Variants in LRP1B observed in about 807,000 individuals in gnomAD.
LRP1B encodes the protein LDL receptor related protein 1B, also known as low-density lipoprotein receptor-related protein 1B.
In LRP1B, 217 loss-of-function variants were observed where a neutral mutation model predicts 556.6. The ratio of observed to expected loss-of-function variants is 0.39; its 90% CI spans 0.35 to 0.44. The LOEUF is 0.44. Ranked by LOEUF, LRP1B falls within the 20% of genes least tolerant of loss-of-function variation. The probability of loss-of-function intolerance (pLI) is 1.00; values close to 1 mark genes in which losing one functional copy is unlikely to be tolerated. For missense variants in LRP1B, 5,053 were observed against 5,620.8 expected, an observed-to-expected ratio of 0.90 and a Z score of 3.23; for synonymous variants, 2,047 against 1,865.8, an observed-to-expected ratio of 1.10 and a Z score of -2.50.
chr2:141,955,366 T>C (rs1198861336), intron 1 of LRP1B, among the ~76,000 whole-genome samples: 1 of 152,174 alleles, frequency 6.6e-6, no homozygotes, highest in Non-Finnish European at 1.5e-5. Flanking sequence ...ATGCATTTTC[T>C]GCATCTTGCT....
chr2:141,618,889 C>T (rs564676674), intron 2 of LRP1B, among the ~76,000 whole-genome samples: 1 of 152,248 alleles, frequency 6.6e-6, no homozygotes, highest in African/African-American at 2.4e-5. Flanking sequence ...TTTCATCTTA[C>T]ATAATTTGAA....
intron 7 of LRP1B, among the ~76,000 whole-genome samples, chr2:141,083,967 G>T (rs916806115): frequency 3.3e-5 from 5 of 152,138 alleles, no homozygotes; most frequent in African/African-American, 1.2e-4. Flanking sequence ...TTAAAAACCT[G>T]GTTCTAACAT....
chr2:141,478,412 T>C (rs1273809226), intron 3 of LRP1B, among the ~76,000 whole-genome samples: 1 of 152,226 alleles, frequency 6.6e-6, no homozygotes, highest in Non-Finnish European at 1.5e-5. Context: ...GAATTATAAC[T>C]GAGTTGAATA....
At chr2:140,284,783 GATAA>G (rs3035560) in intron 84 of LRP1B, among the ~76,000 whole-genome samples, 48,968 of 150,250 alleles carry the variant, frequency 0.33, 8,428 homozygotes, top group African/African-American at 0.43. Context: ...TTAGATGATA[GATAA>G]ATAGAGGGAT....
intron 1 of LRP1B, among the ~76,000 whole-genome samples, chr2:141,932,748 T>C (rs1291515544): frequency 2.0e-5 from 3 of 152,050 alleles, no homozygotes; most frequent in Non-Finnish European, 4.4e-5. Flanking sequence ...AATTTTTAAA[T>C]GACCTGTTTC....
chr2:141,881,429 A>G (rs1390589161), intron 1 of LRP1B, among the ~76,000 whole-genome samples: 2 of 152,102 alleles, frequency 1.3e-5, no homozygotes, highest in Non-Finnish European at 2.9e-5. Flanking sequence ...GCATAGGAGC[A>G]TTATTCAGAA....
intron 47 of LRP1B, among the ~76,000 whole-genome samples, chr2:140,530,206 CTTTATCT>C (rs535740807): frequency 3.1e-4 from 47 of 152,174 alleles, no homozygotes; most frequent in African/African-American, 9.4e-4. Flanking sequence ...AATTGTATCA[CTTTATCT>C]TTTATATTTT....
chr2:140,860,972 G>T (rs1184392427), intron 27 of LRP1B, among the ~76,000 whole-genome samples: 1 of 139,480 alleles, frequency 7.2e-6, no homozygotes, highest in Non-Finnish European at 1.6e-5. Flanking sequence ...TAAGAGAATT[G>T]TGCATCTATC....
At chr2:141,048,963 G>A (rs1308639358) in intron 11 of LRP1B, 23 bp downstream of exon 11, 4 of 1,543,690 alleles carry the variant, frequency 2.6e-6, no homozygotes, top group East Asian at 2.2e-5. Flanking sequence ...GTAGTTTGAT[G>A]TTAATGTCAC....
intron 8 of LRP1B, 80 bp from the exon 9 acceptor site, chr2:141,059,134 A>C: frequency 1.1e-6 from 1 of 913,306 alleles, no homozygotes; most frequent in Non-Finnish European, 1.6e-6. Context: ...GCTATTTACT[A>C]GTATGGAAAA....
At chr2:140,874,441 A>G (rs1214639769) in intron 25 of LRP1B, among the ~76,000 whole-genome samples, 1 of 152,034 alleles carries the variant, frequency 6.6e-6, no homozygotes, top group Non-Finnish European at 1.5e-5. Context: ...TGATGGTAAC[A>G]ATGTTTTCTT....
At chr2:140,990,145 T>A (rs1482724111) in intron 16 of LRP1B, among the ~76,000 whole-genome samples, 3 of 152,008 alleles carry the variant, frequency 2.0e-5, no homozygotes, top group Non-Finnish European at 4.4e-5. Context: ...AGGCGGAGGT[T>A]GCAGTGAGCT....
intron 58 of LRP1B, 131 bp from the exon 59 acceptor site, chr2:140,485,655 A>G: frequency 1.6e-6 from 1 of 618,604 alleles, no homozygotes; most frequent in Non-Finnish European, 2.7e-6. Flanking sequence ...TAAGAAGAGA[A>G]TAATTGACCG....
At chr2:141,474,550 G>C (rs1682627731) in intron 3 of LRP1B, among the ~76,000 whole-genome samples, 1 of 151,974 alleles carries the variant, frequency 6.6e-6, no homozygotes, top group South Asian at 2.1e-4. Flanking sequence ...GATTATGAGT[G>C]GATTAAGAAA....
At position 140,585,300 on chromosome 2, in the gene LRP1B, G is replaced by A. The variant is rs1681940980; in HGVS notation, c.7194+13331C>T. 3.3e-5 allele frequency among the ~76,000 whole-genome samples: 5 copies of A among 152,020 alleles called. 1 individual carries two copies. The South Asian group carries it at 1.0e-3, about 31-fold the overall frequency. The stretch of plus-strand genomic sequence containing the variant: ...GTCATATTCTACAGCAGAAATTAAG[G>A]TGTAGAAGGATTAAGAAATGTCCTC... On this transcript the variant is annotated intron_variant, in intron 43 of 90. Transcript: ENST00000389484.
At chr2:140,317,736 GA>G (rs1684588025) in intron 82 of LRP1B, among the ~76,000 whole-genome samples, 4 of 152,148 alleles carry the variant, frequency 2.6e-5, no homozygotes, top group East Asian at 1.9e-4. Context: ...TCATAGATAG[GA>G]TTATTATGGG....
chr2:141,879,399 T>A (rs7569225), intron 1 of LRP1B, among the ~76,000 whole-genome samples: 85,333 of 151,714 alleles, frequency 0.56, 24,523 homozygotes, highest in African/African-American at 0.67. Flanking sequence ...AATATGAGCC[T>A]AATACAGACA....
chr2:140,500,404 T>C (rs1324837082), intron 55 of LRP1B, among the ~76,000 whole-genome samples: 1 of 151,970 alleles, frequency 6.6e-6, no homozygotes. Context: ...TGGCTTGTCA[T>C]AGCATGCTAA....
intron 3 of LRP1B, among the ~76,000 whole-genome samples, chr2:141,379,967 G>A (rs939455834): frequency 2.6e-5 from 4 of 152,146 alleles, no homozygotes; most frequent in African/African-American, 9.7e-5. Flanking sequence ...CCCTTCCTCA[G>A]CCTGCTCCTG....
Sources: gnomAD v4.1 joint callset for allele counts (sites outside exome capture counted in the v4.1 genomes callset) on GRCh38, gnomAD v4.1.1 for gene constraint, MANE v1.5 for transcripts, NCBI Gene and HGNC (gene_info 2026-07-23, HGNC 2026-07-21) for gene names.